PKHD1: variants seen among roughly 807,000 people sequenced by gnomAD.
PKHD1 encodes the protein PKHD1 ciliary IPT domain containing fibrocystin/polyductin.
In PKHD1, 291 loss-of-function variants were observed where a neutral mutation model predicts 412.0. That is an observed-to-expected ratio of 0.71 (90% CI 0.64 to 0.78). PKHD1 has a LOEUF of 0.78. Ranked by LOEUF, PKHD1 falls within the 30% of genes least tolerant of loss-of-function variation. The probability of loss-of-function intolerance (pLI) is 0.00; values close to 1 mark genes in which losing one functional copy is unlikely to be tolerated. For synonymous variants in PKHD1, 1,777 were observed against 1,821.5 expected (o/e 0.98, Z 0.62); for missense variants, 4,825 against 4,950.7 (o/e 0.97, Z 0.76).
intron 37 of PKHD1, among the ~76,000 whole-genome samples, chr6:51,922,933 T>C (rs1414975637): frequency 6.6e-6 from 1 of 151,992 alleles, no homozygotes; most frequent in Non-Finnish European, 1.5e-5. Flanking sequence ...CGGCTCACAC[T>C]CCATGGGCTG....
chr6:51,841,957 C>T (rs1582983215), intron 50 of PKHD1, among the ~76,000 whole-genome samples: 1 of 152,368 alleles, frequency 6.6e-6, no homozygotes, highest in African/African-American at 2.4e-5. Context: ...ATTTTTTAGG[C>T]TCTCCCAAAT....
intron 35 of PKHD1, among the ~76,000 whole-genome samples, chr6:51,966,329 A>C (rs1792802154): frequency 6.6e-6 from 1 of 152,176 alleles, no homozygotes; most frequent in Non-Finnish European, 1.5e-5. Context: ...GGTAGATGAG[A>C]GACAAATGAT....
Position 51,845,801 on chromosome 6 carries a change from T to C in PKHD1, c.8107+1974A>G, listed in dbSNP as rs547841822. Among the ~76,000 whole-genome samples the C allele has an allele frequency of 1.6e-3, 245 of 152,326 alleles. 2 individuals are homozygous for C. The highest frequency in any genetic ancestry group is 5.6e-3 in the African/African-American group (231 of 41,582). ...TGCTATCATAAGGGAAGAAAATCTATAGCTGCATGATTTAATTTTTTTTCT... is the reference window on the plus strand; with the variant it reads ...TGCTATCATAAGGGAAGAAAATCTACAGCTGCATGATTTAATTTTTTTTCT... On this transcript the variant is annotated intron_variant, in intron 50 of 66. Transcript: ENST00000371117.
At chr6:51,716,157 AT>A (rs981202400) in intron 60 of PKHD1, among the ~76,000 whole-genome samples, 9 of 152,360 alleles carry the variant, frequency 5.9e-5, no homozygotes, top group African/African-American at 2.2e-4. Flanking sequence ...TGTTTGAAGT[AT>A]TTTTGTATAA....
At chr6:51,848,181 A>T (rs2151630704) in intron 49 of PKHD1, among the ~76,000 whole-genome samples, 1 of 152,292 alleles carries the variant, frequency 6.6e-6, no homozygotes, top group East Asian at 1.9e-4. Context: ...AGAGCTACAA[A>T]ATCAGACTAT....
At chr6:52,008,105 C>G (rs1397349638) in intron 35 of PKHD1, among the ~76,000 whole-genome samples, 1 of 152,058 alleles carries the variant, frequency 6.6e-6, no homozygotes, top group Non-Finnish European at 1.5e-5. Context: ...CTCCTCTTTA[C>G]CCCCTCAGGA....
chr6:51,995,054 C>A (rs1042535946), intron 35 of PKHD1, among the ~76,000 whole-genome samples: 9 of 152,172 alleles, frequency 5.9e-5, no homozygotes, highest in African/African-American at 2.2e-4. Context: ...GGTCACCCTG[C>A]GTTTCTTTGT....
chr6:51,981,594 C>T (rs1406448232), intron 35 of PKHD1, among the ~76,000 whole-genome samples: 4 of 127,818 alleles, frequency 3.1e-5, no homozygotes, highest in African/African-American at 5.0e-5. Context: ...GCCGGGATTG[C>T]GGACGGAGTC....
At chr6:51,631,550 C>T (rs1009507653) in intron 65 of PKHD1, among the ~76,000 whole-genome samples, 2 of 152,078 alleles carry the variant, frequency 1.3e-5, no homozygotes, top group Non-Finnish European at 2.9e-5. Context: ...TTCTCTTTGC[C>T]TCTCTTTATT....
At chr6:51,629,763 T>A (rs1327431970) in intron 65 of PKHD1, among the ~76,000 whole-genome samples, 1 of 152,154 alleles carries the variant, frequency 6.6e-6, no homozygotes, top group South Asian at 2.1e-4. Flanking sequence ...CATTTTTACT[T>A]GAAAGAGCTT....
At chr6:51,734,620 A>G (rs1244543761) in intron 60 of PKHD1, among the ~76,000 whole-genome samples, 1 of 152,132 alleles carries the variant, frequency 6.6e-6, no homozygotes, top group African/African-American at 2.4e-5. Flanking sequence ...GAGAGTCACA[A>G]AGGTCCTCCA....
chr6:51,846,329 C>T (rs1771148160), intron 50 of PKHD1, among the ~76,000 whole-genome samples: 1 of 152,190 alleles, frequency 6.6e-6, no homozygotes, highest in South Asian at 2.1e-4. Flanking sequence ...AAAGGGTGGA[C>T]TCAGGACCAT....
chr6:51,968,429 C>T (rs1478582341), intron 35 of PKHD1, among the ~76,000 whole-genome samples: 1 of 152,172 alleles, frequency 6.6e-6, no homozygotes, highest in African/African-American at 2.4e-5. Flanking sequence ...GCTGTGCTCA[C>T]AGCTCACTGA....
rs183379573 is a variant in PKHD1 at position 51,948,242 on chromosome 6, T to A, written c.5908+11628A>T. On this transcript the variant is annotated intron_variant, in intron 36 of 66. Coordinates refer to ENST00000371117, the MANE Select transcript of PKHD1 (RefSeq NM_138694.4). ...TCAGTGTTGTCATTCCTTCTTTTCA[T>A]GTGAACCATATCGTGTTACCTCTCT... Among the ~76,000 whole-genome samples the A allele has an allele frequency of 7.9e-5, 12 of 152,324 alleles. No individual in the cohort carries two copies. The South Asian group carries it at 2.5e-3, about 32-fold the overall frequency.
At chr6:51,756,840 A>T (rs1010766008) in intron 55 of PKHD1, among the ~76,000 whole-genome samples, 16 of 152,200 alleles carry the variant, frequency 1.1e-4, no homozygotes, top group Admixed American at 3.3e-4. Flanking sequence ...AGTATTTCTC[A>T]GTAGTCCCCA....
chr6:51,659,584 A>T lies in PKHD1; in HGVS notation c.10542T>A (p.Phe3514Leu), dbSNP rs1232537845. The change falls in exon 61 of 67, where the codon TTT (phenylalanine) becomes TTA (leucine). Residue 3514 changes from phenylalanine (F) to leucine (L), a missense_variant. Coordinates refer to ENST00000371117, the MANE Select transcript of PKHD1 (RefSeq NM_138694.4). ...CTGACTGAACCAGAGTGGGTGGAATAAAACTTTCCCCTAAGAAGACGTGGG... is the reference window on the plus strand; with the variant it reads ...CTGACTGAACCAGAGTGGGTGGAATTAAACTTTCCCCTAAGAAGACGTGGG... ...QSPHVFLGES[F>L]IPPTLVQSAS... The T allele has an allele frequency of 6.2e-7, 1 of 1,613,790 alleles. No individual in the cohort carries two copies. The highest frequency in any genetic ancestry group is 1.7e-5 in the Admixed American group (1 of 59,896).
chr6:51,903,588 A>T lies in PKHD1; in HGVS notation c.6996+9T>A, dbSNP rs878855203. 1.1e-5 allele frequency: 17 copies of T among 1,608,436 alleles called. No homozygotes were observed. The highest frequency in any genetic ancestry group is 1.4e-5 in the Non-Finnish European group (16 of 1,175,974). On this transcript the variant is annotated intron_variant, in intron 43 of 66. Coordinates refer to ENST00000371117, the MANE Select transcript of PKHD1 (RefSeq NM_138694.4). ...GTTCTGGTCTTCCTGGTAGAGCTGA[A>T]CATCTTACCTCTATAACATTGGTGG...
chr6:52,059,239 T>C (rs1407481643), intron 15 of PKHD1, among the ~76,000 whole-genome samples: 1 of 147,106 alleles, frequency 6.8e-6, no homozygotes, highest in African/African-American at 2.5e-5. Context: ...ACAATCTTTC[T>C]TTTTTTTCTT....
chr6:51,673,958 T>C (rs1426634039), intron 60 of PKHD1, among the ~76,000 whole-genome samples: 1 of 152,030 alleles, frequency 6.6e-6, no homozygotes, highest in African/African-American at 2.4e-5. Flanking sequence ...GAGTAAAAGG[T>C]TGGGTGAGCT....
Sources: allele counts gnomAD v4.1 joint callset (sites outside exome capture counted in the v4.1 genomes callset), GRCh38; gene constraint gnomAD v4.1.1; transcripts MANE v1.5; gene names NCBI Gene and HGNC (gene_info 2026-07-23, HGNC 2026-07-21).